NCOR1: variants seen among roughly 807,000 people sequenced by gnomAD.
The protein encoded by NCOR1 is protein phosphatase 1, regulatory subunit 109.
A neutral mutation model predicts 288.1 loss-of-function variants in NCOR1; 63 were observed. The ratio of observed to expected loss-of-function variants is 0.22; its 90% CI spans 0.18 to 0.27. The LOEUF (loss-of-function observed/expected upper bound fraction) is 0.27, where lower values mean the gene tolerates loss of function less well. NCOR1 is among the 10% of genes least tolerant of loss of function. The pLI, the probability that NCOR1 is intolerant of heterozygous loss-of-function variation, is 1.00. For synonymous variants in NCOR1, 1,007 were observed against 1,065.9 expected, an observed-to-expected ratio of 0.94 and a Z score of 1.08; for missense variants, 2,397 against 3,019.2, an observed-to-expected ratio of 0.79 and a Z score of 4.83.
At chr17:16,098,081 A>G (rs1284405503) in intron 21 of NCOR1, among the ~76,000 whole-genome samples, 1 of 152,212 alleles carries the variant, frequency 6.6e-6, no homozygotes, top group African/African-American at 2.4e-5. Flanking sequence ...AAAGCAGAAC[A>G]GTGGTTACCA....
At chr17:16,095,249 C>T (rs186444075) in intron 21 of NCOR1, among the ~76,000 whole-genome samples, 7,211 of 150,440 alleles carry the variant, frequency 0.048, 205 homozygotes, top group African/African-American at 0.089. Context: ...CACCTCGGCC[C>T]GGCCGCGACC....
intron 1 of NCOR1, among the ~76,000 whole-genome samples, chr17:16,208,579 A>G (rs1030654000): frequency 7.2e-5 from 11 of 151,944 alleles, no homozygotes; most frequent in African/African-American, 2.7e-4. Flanking sequence ...AACTGGGCTC[A>G]GTGGCCCGCA....
intron 1 of NCOR1, among the ~76,000 whole-genome samples, chr17:16,196,955 T>A (rs2089958041): frequency 6.6e-6 from 1 of 151,998 alleles, no homozygotes; most frequent in African/African-American, 2.4e-5. Context: ...AGGTCAAGAC[T>A]GCAGTGAGCC....
intron 14 of NCOR1, among the ~76,000 whole-genome samples, chr17:16,136,825 A>AAAG (rs2076501967): frequency 7.2e-6 from 1 of 138,952 alleles, no homozygotes. Context: ...AAAAAAAAAA[A>AAAG]AAAGAAAGAA....
At chr17:16,060,849 T>C (rs1047737161) in intron 37 of NCOR1, among the ~76,000 whole-genome samples, 1 of 152,216 alleles carries the variant, frequency 6.6e-6, no homozygotes, top group African/African-American at 2.4e-5. Flanking sequence ...AAGTAACTTT[T>C]CTAGCATTTT....
intron 15 of NCOR1, among the ~76,000 whole-genome samples, chr17:16,124,767 T>C (rs1434740867): frequency 6.6e-6 from 1 of 152,184 alleles, no homozygotes; most frequent in Non-Finnish European, 1.5e-5. Context: ...AAAACTCCAT[T>C]TTATATGACG....
chr17:16,052,133 C>T (rs1418995016), intron 40 of NCOR1, among the ~76,000 whole-genome samples: 2 of 151,710 alleles, frequency 1.3e-5, no homozygotes, highest in Admixed American at 6.6e-5. Flanking sequence ...CTCAGCCTCC[C>T]GAGTAACTGG....
chr17:16,096,456 T>C (rs1441197112), intron 21 of NCOR1, among the ~76,000 whole-genome samples: 3 of 151,354 alleles, frequency 2.0e-5, no homozygotes, highest in African/African-American at 7.4e-5. Context: ...TAAACTAGAC[T>C]TGAAATTGTA....
chr17:16,183,425 A>G (rs1378701808), intron 3 of NCOR1, among the ~76,000 whole-genome samples: 1 of 151,928 alleles, frequency 6.6e-6, no homozygotes, highest in Non-Finnish European at 1.5e-5. Context: ...AATCAACAGC[A>G]GTTTTATATA....
chr17:16,144,235 G>C (rs1398986208), intron 10 of NCOR1, among the ~76,000 whole-genome samples: 1 of 152,180 alleles, frequency 6.6e-6, no homozygotes, highest in Non-Finnish European at 1.5e-5. Context: ...GCTGAATATA[G>C]TTTGAATATG....
chr17:16,200,495 CAAAAAAAAAAAA>C (rs55957034), intron 1 of NCOR1, among the ~76,000 whole-genome samples: 5 of 60,700 alleles, frequency 8.2e-5, no homozygotes, highest in African/African-American at 1.3e-4. Flanking sequence ...GACTCCATCT[CAAAAAAAAAAAA>C]AAAAAAAAAA....
At chr17:16,127,357 GTA>G (rs1254804328) in intron 14 of NCOR1, among the ~76,000 whole-genome samples, 1 of 139,412 alleles carries the variant, frequency 7.2e-6, no homozygotes, top group Non-Finnish European at 1.5e-5. Flanking sequence ...ATATATGTAT[GTA>G]TATATACATG....
rs561330870 is a variant in NCOR1, at chr17:16,097,943, T to C, written c.2820+424A>G. ...CGAATTGAACTGAACTGTAGGAACCTAGTTGGTGACCAAAGAGGTGGAGAA... is the reference window on the plus strand; with the variant it reads ...CGAATTGAACTGAACTGTAGGAACCCAGTTGGTGACCAAAGAGGTGGAGAA... On this transcript the variant is annotated intron_variant, in intron 21 of 45. Transcript: ENST00000268712. 1.6e-4 allele frequency among the ~76,000 whole-genome samples: 25 copies of C among 152,304 alleles called. No individual in the cohort carries two copies. In the South Asian group the frequency reaches 4.6e-3, roughly 28 times the overall value.
In NCOR1 at chr17:16,065,561, C is replaced by T. The variant is rs773974091; in HGVS notation, c.4875G>A (p.Val1625=). Residue 1625 remains valine, a synonymous_variant, in exon 33 of 46, where the codon GTG becomes GTA. Coordinates refer to ENST00000268712, the MANE Select transcript of NCOR1 (RefSeq NM_006311.4). ...NDYITSQQMQ[V]NLRPDVARGL... ...CTCTGGCCACATCTGGACGCAAGTT[C>T]ACTTGCATCTGTTGTGAGGTAATGT... is the stretch of plus-strand genomic sequence containing the variant. The T allele has an allele frequency of 6.2e-7, 1 of 1,614,214 alleles. No individual in the cohort carries two copies. The highest frequency in any genetic ancestry group is 1.7e-5 in the Admixed American group (1 of 60,024).
chr17:16,109,944 G>A (rs1364231346), intron 18 of NCOR1, among the ~76,000 whole-genome samples: 1 of 152,190 alleles, frequency 6.6e-6, no homozygotes, highest in Non-Finnish European at 1.5e-5. Context: ...ATCTTGGCCA[G>A]GCTGGTCTTG....
chr17:16,092,673 ATATATATATATATATATATATAT>A (rs1452759741), intron 21 of NCOR1, among the ~76,000 whole-genome samples: 1 of 16,324 alleles, frequency 6.1e-5, no homozygotes, highest in African/African-American at 3.5e-4. Flanking sequence ...ATATATATAT[ATATATATATATATATATATATAT>A]TTTTTTTTTT....
At chr17:16,101,170 G>C in intron 20 of NCOR1, 80 bp downstream of exon 20, 1 of 1,410,608 alleles carries the variant, frequency 7.1e-7, no homozygotes, top group Non-Finnish European at 9.6e-7. Context: ...TAGGAGACAT[G>C]TCTGCAGCCA....
Position 16,080,438 on chromosome 17 carries a change from C to A in NCOR1, c.3370G>T (p.Val1124Phe). The change falls in exon 25 of 46, where the codon GTC becomes TTC. Residue 1124 changes from valine (V) to phenylalanine (F), a missense_variant. Physicochemically the swap from Val to Phe is conservative, Grantham distance 50. This residue lies in a region of NCOR1 where 1,872 missense variants were observed against 2,187.8 expected (regional missense o/e 0.86). Coordinates refer to ENST00000268712, the MANE Select transcript of NCOR1 (RefSeq NM_006311.4). The stretch of plus-strand genomic sequence containing the variant: ...ACTACACCTTCATGTTGGGCCCTGA[C>A]CAACAGACCCTCAGGTTGTGAGTTT... ...SQNSQPEGLL[V>F]RAQHEGVVRG... The A allele has an allele frequency of 6.2e-7, 1 of 1,614,082 alleles. No individual in the cohort carries two copies. The highest frequency in any genetic ancestry group is 8.5e-7 in the Non-Finnish European group (1 of 1,179,966).
intron 32 of NCOR1, 34 bp from the exon 33 acceptor site, chr17:16,065,728 T>G: frequency 6.3e-7 from 1 of 1,591,684 alleles, no homozygotes; most frequent in South Asian, 1.1e-5. Flanking sequence ...GCACTGAGTT[T>G]TGTCCTGGCT....
Sources: allele counts gnomAD v4.1 joint callset (sites outside exome capture counted in the v4.1 genomes callset), GRCh38; gene constraint gnomAD v4.1.1; regional missense constraint gnomAD v4.1.1; transcripts MANE v1.5; gene names NCBI Gene and HGNC (gene_info 2026-07-23, HGNC 2026-07-21).